PIGF: variants seen among roughly 807,000 people sequenced by gnomAD.
The protein encoded by PIGF is phosphatidylinositol glycan anchor biosynthesis class F.
PIGF carries 23 observed loss-of-function variants against 26.0 expected under a neutral mutation model. That is an observed-to-expected ratio of 0.88 (90% CI 0.64 to 1.25). The LOEUF is 1.25. PIGF is among the 50% of genes most tolerant of loss of function. The pLI is 0.00. For synonymous variants in PIGF, 93 were observed against 92.6 expected (o/e 1.00, Z -0.03); for missense variants, 278 against 249.9 (o/e 1.11, Z -0.76).
chr2:46,597,045 C>G (rs552161756), intron 4 of PIGF, among the ~76,000 whole-genome samples: 5 of 152,132 alleles, frequency 3.3e-5, no homozygotes, highest in Non-Finnish European at 4.4e-5. Flanking sequence ...TAAGTAGTAC[C>G]TCTAAATGCT....
intron 4 of PIGF, among the ~76,000 whole-genome samples, chr2:46,602,607 G>GT (rs981739933): frequency 1.3e-5 from 2 of 151,700 alleles, no homozygotes; most frequent in Non-Finnish European, 3.0e-5. Flanking sequence ...ACTCTACTGT[G>GT]TTTTACATAT....
At chr2:46,585,838 A>G (rs1294967022) in intron 5 of PIGF, among the ~76,000 whole-genome samples, 1 of 152,114 alleles carries the variant, frequency 6.6e-6, no homozygotes, top group African/African-American at 2.4e-5. Flanking sequence ...CAGTGGCACA[A>G]TCTCGGCTCA....
chr2:46,606,738 G>T (rs751019467), intron 4 of PIGF, among the ~76,000 whole-genome samples: 1 of 152,048 alleles, frequency 6.6e-6, no homozygotes, highest in Non-Finnish European at 1.5e-5. Flanking sequence ...CAGCAATCCC[G>T]CTCCAAGGCA....
chr2:46,615,765 G>C (rs569728713), intron 1 of PIGF: 2 of 152,438 alleles, frequency 1.3e-5, no homozygotes, highest in East Asian at 3.9e-4. Flanking sequence ...AGAGTTCAAA[G>C]AGCACCACAC....
intron 4 of PIGF, among the ~76,000 whole-genome samples, chr2:46,606,298 T>C (rs1330168140): frequency 6.6e-6 from 1 of 152,212 alleles, no homozygotes; most frequent in African/African-American, 2.4e-5. Flanking sequence ...TCACATATCC[T>C]TCCAGAAATA....
At chr2:46,585,193 T>C (rs1442147310) in intron 5 of PIGF, among the ~76,000 whole-genome samples, 2 of 152,160 alleles carry the variant, frequency 1.3e-5, no homozygotes, top group African/African-American at 2.4e-5. Context: ...TTAAAGAAAA[T>C]AGGAAACTTA....
At chr2:46,607,064 A>C (rs142490745) in intron 4 of PIGF, among the ~76,000 whole-genome samples, 3 of 152,380 alleles carry the variant, frequency 2.0e-5, no homozygotes, top group African/African-American at 7.2e-5. Context: ...CTATAGAGAC[A>C]GTAAGTAGAT....
chr2:46,608,522 T>C (rs1297653770), intron 4 of PIGF, among the ~76,000 whole-genome samples: 1 of 152,218 alleles, frequency 6.6e-6, no homozygotes, highest in Non-Finnish European at 1.5e-5. Flanking sequence ...TCTAGAATGG[T>C]CCTTTCCAGA....
At chr2:46,597,010 T>C (rs962733185) in intron 4 of PIGF, among the ~76,000 whole-genome samples, 2 of 152,210 alleles carry the variant, frequency 1.3e-5, no homozygotes, top group Non-Finnish European at 2.9e-5. Context: ...TGTCATTAAG[T>C]AATTTTCACA....
chr2:46,581,279 C>T lies in PIGF; in HGVS notation c.*199G>A. On this transcript the variant is annotated 3_prime_UTR_variant, in exon 6 of 6. Transcript: ENST00000281382. ...AAGAAGCAGTAAGCAGCATCTGAAG[C>T]CACAATCTATTATAAATACTTTATT... The T allele has an allele frequency of 1.0e-6, 1 of 974,222 alleles. No homozygotes were observed. 60.3% of individuals were successfully genotyped at this position (974,222 alleles called of 1,614,324 possible).
At chr2:46,614,700 C>A (rs554445166) in intron 2 of PIGF, 1 of 376,680 alleles carries the variant, frequency 2.7e-6, no homozygotes, top group Admixed American at 4.3e-5. Context: ...TATAGGCTCA[C>A]AATATTATAA....
rs1291099833 is a variant in PIGF at position 46,589,017 on chromosome 2, AG to A, written c.546+3457del. ...ATAAGCTTTCTCTAGAAGTTGAAAA[AG>A]CCTATCTGGATTATGGGAAATTCAA... On this transcript the variant is annotated intron_variant, in intron 5 of 5. Transcript: ENST00000281382. The surrounding 1 kb of genome is among the most constrained non-coding windows in gnomAD (Gnocchi z 4.7). 1.3e-5 allele frequency among the ~76,000 whole-genome samples: 2 copies of A among 152,140 alleles called. No homozygotes were observed. The highest frequency in any genetic ancestry group is 2.9e-5 in the Non-Finnish European group (2 of 67,962).
chr2:46,585,141 C>T (rs1467289694), intron 5 of PIGF, among the ~76,000 whole-genome samples: 4 of 152,066 alleles, frequency 2.6e-5, no homozygotes, highest in Non-Finnish European at 5.9e-5. Context: ...AAGATTTCTC[C>T]AAATTATGGT....
In PIGF at chr2:46,616,972, A is replaced by C. The variant is rs1237906474; in HGVS notation, c.-24T>G. On this transcript the variant is annotated splice_region_variant and 5_prime_UTR_variant, in exon 1 of 6. The change abolishes the stop of an existing upstream ORF in the 5' untranslated region. Transcript: ENST00000281382. ...CGAGGGCGTCCAGCGGGGCTTACCT[A>C]ACTCTCCCTCCCGCGGAAGGGAAGC... 4 of 526,420 alleles carry C rather than the reference A, an allele frequency of 7.6e-6. No individual in the cohort carries two copies. Among genetic ancestry groups the C allele is most frequent in the Non-Finnish European group, 1.0e-5 (3 of 293,674 alleles). 32.6% of individuals were successfully genotyped at this position (526,420 alleles called of 1,614,324 possible). A position where few individuals can be genotyped will look rare whatever the true frequency, so the allele number is the denominator to read the frequency against.
At chr2:46,598,999 C>A (rs144576446) in intron 4 of PIGF, among the ~76,000 whole-genome samples, 2 of 152,096 alleles carry the variant, frequency 1.3e-5, no homozygotes, top group South Asian at 4.1e-4. Context: ...CATTTTCCCT[C>A]GAAAGAAATA....
At chr2:46,614,803 A>C in intron 2 of PIGF, 134 bp downstream of exon 2, 2 of 583,184 alleles carry the variant, frequency 3.4e-6, no homozygotes, top group Admixed American at 3.3e-5. Context: ...CAGCCTACCA[A>C]TTTGGGGGGA....
intron 5 of PIGF, chr2:46,582,408 C>T (rs1669425795): frequency 6.6e-6 from 1 of 152,138 alleles, no homozygotes; most frequent in Admixed American, 6.5e-5. Context: ...TAGAGGTGAA[C>T]CATCTTAATT....
rs972092756 is a variant in PIGF at position 46,589,875 on chromosome 2, GAAA to G, written c.546+2597_546+2599del. ...ACCTTGTTTGCTGGAAATAAAAAGT[GAAA>G]AAAAAACCTCATTTCTTTAGTTTAT... On this transcript the variant is annotated intron_variant, in intron 5 of 5. Coordinates refer to ENST00000281382, the MANE Select transcript of PIGF (RefSeq NM_002643.4). This position sits in a 1 kb window ranked among gnomAD's most constrained non-coding sequence, Gnocchi z 4.7. 6.7e-6 allele frequency among the ~76,000 whole-genome samples: 1 copy of G among 149,278 alleles called. No homozygotes were observed. Among genetic ancestry groups the G allele is most frequent in the African/African-American group, 2.5e-5 (1 of 40,668 alleles).
At chr2:46,612,176 CATTA>C (rs1670441206) in intron 4 of PIGF, 48 bp downstream of exon 4, 1 of 561,048 alleles carries the variant, frequency 1.8e-6, no homozygotes, top group Non-Finnish European at 2.9e-6. Context: ...AAAAATACTT[CATTA>C]ATTATTTTTT....
Sources: allele counts gnomAD v4.1 joint callset (sites outside exome capture counted in the v4.1 genomes callset), GRCh38; gene constraint gnomAD v4.1.1; non-coding constraint Gnocchi (gnomAD v3.1); transcripts MANE v1.5; gene names NCBI Gene and HGNC (gene_info 2026-07-23, HGNC 2026-07-21).